WDR27: variants seen among roughly 807,000 people sequenced by gnomAD.
The protein encoded by WDR27 is WD repeat-containing protein 27.
WDR27 carries 100 observed loss-of-function variants against 114.4 expected under a neutral mutation model. The ratio of observed to expected loss-of-function variants is 0.87; its 90% CI spans 0.74 to 1.03. The LOEUF (loss-of-function observed/expected upper bound fraction) is 1.03. WDR27 is among the 50% of genes least tolerant of loss of function. The pLI is 0.00. For missense variants in WDR27, 1,129 were observed against 1,092.9 expected (o/e 1.03, Z -0.47); for synonymous variants, 449 against 423.1 (o/e 1.06, Z -0.75).
intron 25 of WDR27, among the ~76,000 whole-genome samples, chr6:169,472,259 G>GATAC (rs1786519997): frequency 6.6e-6 from 1 of 152,192 alleles, no homozygotes; most frequent in Non-Finnish European, 1.5e-5. Flanking sequence ...GAGTCTGCTA[G>GATAC]ATACATACAT....
intron 21 of WDR27, among the ~76,000 whole-genome samples, chr6:169,631,857 A>C (rs1197560278): frequency 1.3e-5 from 2 of 152,200 alleles, no homozygotes; most frequent in Non-Finnish European, 2.9e-5. Flanking sequence ...ATAGATAATC[A>C]GACCATACCT....
chr6:169,684,760 T>C lies in WDR27; in HGVS notation c.189+4057A>G, dbSNP rs9371166. Among the ~76,000 whole-genome samples the C allele has an allele frequency of 0.047, 7,153 of 152,276 alleles. 1,110 individuals carry two copies. In the East Asian group the frequency reaches 0.49, roughly 10 times the overall value. On this transcript the variant is annotated intron_variant, in intron 2 of 25. Coordinates refer to ENST00000448612, the MANE Select transcript of WDR27 (RefSeq NM_182552.5). The surrounding 1 kb of genome is among the most constrained non-coding windows in gnomAD (Gnocchi z 4.3). ...CTCTATGGGCCACCCCTAATGGGCATGCCCGCAGCCAGCTGAGCAGCCTTG... is the reference window on the plus strand; with the variant it reads ...CTCTATGGGCCACCCCTAATGGGCACGCCCGCAGCCAGCTGAGCAGCCTTG...
At position 169,606,109 on chromosome 6, in the gene WDR27, G is replaced by T. The variant is rs577398044; in HGVS notation, c.2322-3788C>A. 2.6e-5 allele frequency among the ~76,000 whole-genome samples: 4 copies of T among 152,022 alleles called. No individual in the cohort carries two copies. In the East Asian group the frequency reaches 7.7e-4, roughly 29 times the overall value. On this transcript the variant is annotated intron_variant, in intron 22 of 25. Coordinates refer to ENST00000448612, the MANE Select transcript of WDR27 (RefSeq NM_182552.5). ...AACAAAAATAAAAATAGACAAATAT[G>T]ACTTAATTAAACAAAAATACTCTGC...
In WDR27 at chr6:169,659,577, G is replaced by T; in HGVS notation, c.1130-59C>A. ...GGGGAGGGAGGTAGCACATACACAC[G>T]GAGTCACTGCCCAGAGCCCACCACA... On this transcript the variant is annotated intron_variant, in intron 10 of 25. Transcript: ENST00000448612. This position sits in a 1 kb window ranked among gnomAD's most constrained non-coding sequence, Gnocchi z 4.3. The T allele has an allele frequency of 6.6e-7, 1 of 1,516,252 alleles. No homozygotes were observed. The highest frequency in any genetic ancestry group is 1.7e-4 in the Middle Eastern group (1 of 5,822). The allele number at this position is 1,516,252 out of a possible 1,614,324, so 93.9% of individuals were successfully genotyped here.
rs1398364239 is a variant in WDR27 at position 169,520,462 on chromosome 6, AAAT to A, written c.2645+51954_2645+51956del. Among the ~76,000 whole-genome samples, 3 of 152,230 alleles carry A rather than the reference AAAT, an allele frequency of 2.0e-5. No individual in the cohort carries two copies. The East Asian group carries it at 5.8e-4, about 29-fold the overall frequency. ...CAAACCAGATAGAGAATACTGGAATAAATAATACTTCAATACAAAGACACAGAT... is the reference window on the plus strand; with the variant it reads ...CAAACCAGATAGAGAATACTGGAATAAATACTTCAATACAAAGACACAGAT... On this transcript the variant is annotated intron_variant, in intron 25 of 25. Coordinates refer to ENST00000448612, the MANE Select transcript of WDR27 (RefSeq NM_182552.5).
chr6:169,673,344 CG>C (rs1779247827), intron 2 of WDR27, among the ~76,000 whole-genome samples: 1 of 151,900 alleles, frequency 6.6e-6, no homozygotes, highest in Admixed American at 6.6e-5. Flanking sequence ...AGGCAGGATA[CG>C]TCACCTCATT....
chr6:169,593,070 A>G lies in WDR27; in HGVS notation c.2424+9149T>C, dbSNP rs145492023. On this transcript the variant is annotated intron_variant, in intron 23 of 25. Coordinates refer to ENST00000448612, the MANE Select transcript of WDR27 (RefSeq NM_182552.5). ...TCTATGTTCCTATTTAAGCTTTTCAATTGATATTCATAAATGAAATATAAC... is the reference window on the plus strand; with the variant it reads ...TCTATGTTCCTATTTAAGCTTTTCAGTTGATATTCATAAATGAAATATAAC... 1.8e-3 allele frequency among the ~76,000 whole-genome samples: 273 copies of G among 152,332 alleles called. 3 individuals are homozygous for G. The highest frequency in any genetic ancestry group is 6.4e-3 in the African/African-American group (267 of 41,582).
At chr6:169,453,967 A>G (rs1784250786), downstream of WDR27, among the ~76,000 whole-genome samples, 1 of 152,214 alleles carries the variant, frequency 6.6e-6, no homozygotes, top group Non-Finnish European at 1.5e-5. Flanking sequence ...ACTTTCATGA[A>G]CCATCTCTTT....
intron 1 of WDR27, among the ~76,000 whole-genome samples, chr6:169,698,717 G>A (rs900843956): frequency 4.6e-5 from 7 of 152,216 alleles, no homozygotes; most frequent in African/African-American, 9.6e-5. Context: ...GCATGCACAG[G>A]CTTGGTCCTG....
At chr6:169,561,814 A>G (rs1799710477) in intron 25 of WDR27, among the ~76,000 whole-genome samples, 1 of 152,204 alleles carries the variant, frequency 6.6e-6, no homozygotes, top group South Asian at 2.1e-4. Context: ...AATACAGCCT[A>G]TAAGAAATGC....
intron 9 of WDR27, among the ~76,000 whole-genome samples, chr6:169,661,501 G>C (rs544962280): frequency 6.6e-6 from 1 of 152,326 alleles, no homozygotes; most frequent in South Asian, 2.1e-4. Context: ...GCCCCAGGCA[G>C]CACCCTGGGC....
At chr6:169,646,237 G>A (rs1159160884) in intron 16 of WDR27, among the ~76,000 whole-genome samples, 2 of 152,166 alleles carry the variant, frequency 1.3e-5, no homozygotes, top group Non-Finnish European at 2.9e-5. Context: ...TCCCTTAACA[G>A]AAGAGGAACA....
intron 25 of WDR27, among the ~76,000 whole-genome samples, chr6:169,478,134 C>T (rs1408269580): frequency 6.6e-6 from 1 of 151,758 alleles, no homozygotes; most frequent in Non-Finnish European, 1.5e-5. Flanking sequence ...GAGATGCCTA[C>T]AAGGGGGGCC....
chr6:169,542,658 C>T (rs138516629), intron 25 of WDR27, among the ~76,000 whole-genome samples: 57 of 152,128 alleles, frequency 3.7e-4, no homozygotes, highest in African/African-American at 1.2e-3. Flanking sequence ...TTCCTGACTT[C>T]GGTAATTGTC....
the WDR27 span, among the ~76,000 whole-genome samples, chr6:169,451,633 ACT>A: frequency 6.6e-6 from 1 of 152,158 alleles, no homozygotes; most frequent in Non-Finnish European, 1.5e-5. Flanking sequence ...ACCGTTTTAC[ACT>A]CTGTCAGCAG....
chr6:169,619,587 A>G (rs1812648764), intron 21 of WDR27, among the ~76,000 whole-genome samples: 2 of 152,212 alleles, frequency 1.3e-5, no homozygotes, highest in African/African-American at 2.4e-5. Context: ...TGGGAAAGGC[A>G]GGAAAACTCA....
At chr6:169,645,076 C>T (rs1263466654) in intron 16 of WDR27, among the ~76,000 whole-genome samples, 3 of 108,918 alleles carry the variant, frequency 2.8e-5, no homozygotes, top group Non-Finnish European at 3.9e-5. Flanking sequence ...CTAGTTCACA[C>T]GAGTCACGCT....
intron 25 of WDR27, among the ~76,000 whole-genome samples, chr6:169,543,122 A>G (rs1797027337): frequency 6.6e-6 from 1 of 152,106 alleles, no homozygotes; most frequent in African/African-American, 2.4e-5. Context: ...TAAATAAAAC[A>G]ATTATTTAAT....
intron 25 of WDR27, among the ~76,000 whole-genome samples, chr6:169,496,891 A>G (rs1790477429): frequency 6.6e-6 from 1 of 152,120 alleles, no homozygotes; most frequent in Non-Finnish European, 1.5e-5. Context: ...ATGCAATGCA[A>G]TCCCTGTACT....
Sources: allele counts gnomAD v4.1 joint callset (sites outside exome capture counted in the v4.1 genomes callset), GRCh38; gene constraint gnomAD v4.1.1; non-coding constraint Gnocchi (gnomAD v3.1); transcripts MANE v1.5; gene names NCBI Gene and HGNC (gene_info 2026-07-23, HGNC 2026-07-21).